KMT2C: variants seen among roughly 807,000 people sequenced by gnomAD.
The protein encoded by KMT2C is lysine methyltransferase 2C, also known as histone-lysine N-methyltransferase 2C.
A neutral mutation model predicts 507.9 loss-of-function variants in KMT2C; 88 were observed. The ratio of observed to expected loss-of-function variants is 0.17; its 90% confidence interval spans 0.15 to 0.21. The LOEUF (loss-of-function observed/expected upper bound fraction) is 0.21, where lower values mean the gene tolerates loss of function less well. Ranked by LOEUF, KMT2C falls within the 10% of genes least tolerant of loss-of-function variation. KMT2C has a pLI of 1.00. For missense variants in KMT2C, 4,954 were observed against 5,957.8 expected (o/e 0.83, Z 5.55); for synonymous variants, 2,049 against 2,080.8 (o/e 0.98, Z 0.42).
intron 1 of KMT2C, among the ~76,000 whole-genome samples, chr7:152,387,745 A>G (rs2097444944): frequency 2.0e-5 from 3 of 152,246 alleles, no homozygotes; most frequent in Admixed American, 1.3e-4. Context: ...TGCTGGGATT[A>G]CAGGCGTGAG....
chr7:152,288,184 G>T (rs1301848002), intron 6 of KMT2C, among the ~76,000 whole-genome samples: 1 of 150,074 alleles, frequency 6.7e-6, no homozygotes, highest in Non-Finnish European at 1.5e-5. Context: ...ACAACAAAAT[G>T]GGAGAGATTA....
intron 35 of KMT2C, 44 bp downstream of exon 35, chr7:152,182,930 C>T: frequency 6.8e-7 from 1 of 1,461,014 alleles, no homozygotes. Context: ...CTTCTCAAAA[C>T]AAAAATGCAA....
chr7:152,214,293 T>C (rs957616639), intron 23 of KMT2C, among the ~76,000 whole-genome samples: 1 of 152,120 alleles, frequency 6.6e-6, no homozygotes, highest in Non-Finnish European at 1.5e-5. Context: ...TTACTCCCAA[T>C]AGCCAAGATA....
At chr7:152,247,500 T>C (rs2095490412) in intron 14 of KMT2C, among the ~76,000 whole-genome samples, 1 of 152,298 alleles carries the variant, frequency 6.6e-6, no homozygotes, top group South Asian at 2.1e-4. Flanking sequence ...GTTAAAAATA[T>C]ATACAATGAA....
At position 152,180,142 on chromosome 7, in the gene KMT2C, C is replaced by G. The variant is rs1352427116; in HGVS notation, c.7150-16G>C. ...ACTTCTGCCGCTAAATGGGAAGAAA[C>G]AAAAATCACTGGGATTTGTGGTAAT... On this transcript the variant is annotated splice_polypyrimidine_tract_variant and intron_variant, in intron 36 of 58. Transcript: ENST00000262189. 1.2e-6 allele frequency: 2 copies of G among 1,611,408 alleles called. No individual in the cohort carries two copies. Among genetic ancestry groups the G allele is most frequent in the East Asian group, 4.5e-5 (2 of 44,864 alleles).
chr7:152,136,642 C>T lies in KMT2C; in HGVS notation c.*190G>A, dbSNP rs2089901074. 1 of 583,878 alleles carries T rather than the reference C, an allele frequency of 1.7e-6. No homozygotes were observed. The highest frequency in any genetic ancestry group is 2.1e-5 in the South Asian group (1 of 47,722). The allele number at this position is 583,878 out of a possible 1,614,324, so 36.2% of individuals were successfully genotyped here. A position where few individuals can be genotyped will look rare whatever the true frequency, so the allele number is the denominator to read the frequency against. The stretch of plus-strand genomic sequence containing the variant: ...TTTAACCTCGGCCACTTCAGGAACG[C>T]TGCTTCTGTCAGCTTCCTCCTGGCG... On this transcript the variant is annotated 3_prime_UTR_variant, in exon 59 of 59. Coordinates refer to ENST00000262189, the MANE Select transcript of KMT2C (RefSeq NM_170606.3).
chr7:152,140,686 C>T (rs993173327), intron 55 of KMT2C, among the ~76,000 whole-genome samples: 3 of 152,192 alleles, frequency 2.0e-5, no homozygotes, highest in Non-Finnish European at 4.4e-5. Context: ...CAGAAATCAA[C>T]TGCATTCTAG....
intron 23 of KMT2C, among the ~76,000 whole-genome samples, chr7:152,216,833 G>A (rs939889910): frequency 6.6e-6 from 1 of 152,068 alleles, no homozygotes; most frequent in African/African-American, 2.4e-5. Context: ...AGTTCTGTTG[G>A]ACACAAGACA....
intron 9 of KMT2C, among the ~76,000 whole-genome samples, chr7:152,260,587 G>A (rs2095752649): frequency 6.6e-6 from 1 of 152,044 alleles, no homozygotes; most frequent in African/African-American, 2.4e-5. Flanking sequence ...TTAAAGTTAA[G>A]ATTTTTCTTG....
At chr7:152,209,592 T>TGTGGCATG (rs1364805605) in intron 23 of KMT2C, among the ~76,000 whole-genome samples, 1 of 151,298 alleles carries the variant, frequency 6.6e-6, no homozygotes, top group Non-Finnish European at 1.5e-5. Context: ...AAAATCAAGC[T>TGTGGCATG]GTGGCATGGT....
chr7:152,387,426 G>GC (rs2097439407), intron 1 of KMT2C, among the ~76,000 whole-genome samples: 5 of 126,806 alleles, frequency 3.9e-5, no homozygotes, highest in Non-Finnish European at 7.7e-5. Context: ...ATACTAGTAT[G>GC]CCAAAAAAAA....
chr7:152,276,570 T>C (rs1709532292), intron 6 of KMT2C, among the ~76,000 whole-genome samples: 1 of 152,030 alleles, frequency 6.6e-6, no homozygotes, highest in Admixed American at 6.5e-5. Flanking sequence ...CTGGGCAACA[T>C]GGTGAAACTC....
At chr7:152,270,446 T>C (rs1045627680) in intron 7 of KMT2C, among the ~76,000 whole-genome samples, 3 of 152,230 alleles carry the variant, frequency 2.0e-5, no homozygotes, top group African/African-American at 7.2e-5. Context: ...AGACTTCTCA[T>C]TGCAGACCGA....
intron 6 of KMT2C, among the ~76,000 whole-genome samples, chr7:152,277,212 G>T (rs1022832482): frequency 9.2e-5 from 14 of 152,018 alleles, no homozygotes; most frequent in Non-Finnish European, 1.5e-4. Context: ...TAATAAATAA[G>T]TATTATAAGG....
In KMT2C at chr7:152,149,097, A is replaced by G; in HGVS notation, c.12830T>C (p.Phe4277Ser). The change falls in exon 52 of 59, where the codon TTT (phenylalanine) becomes TCT (serine). Residue 4277 changes from phenylalanine to serine, a missense_variant. By Grantham distance (155) the Phe-to-Ser change is radical. Around this residue, in one of 29 missense-constraint regions of KMT2C, gnomAD observed 417 missense variants for 461.1 expected, o/e 0.90. Transcript: ENST00000262189. ...GGAGATGTTGTTGCTGTACTGATGA[A>G]ATGCTTTGGAAGGCGTTTCTCTCAT... ...SPMRETPSKA[F>S]HQYSNNISTL... is the part of the protein sequence containing the mutation. The G allele has an allele frequency of 6.7e-7, 1 of 1,499,326 alleles. No homozygotes were observed. The allele number at this position is 1,499,326 out of a possible 1,614,324, so 92.9% of individuals were successfully genotyped here. A position where few individuals can be genotyped will look rare whatever the true frequency, so the allele number is the denominator to read the frequency against.
chr7:152,183,536 T>C (rs914099155), intron 34 of KMT2C, among the ~76,000 whole-genome samples: 12 of 150,182 alleles, frequency 8.0e-5, no homozygotes, highest in Non-Finnish European at 1.3e-4. Flanking sequence ...CCAAGGCGGG[T>C]GGATCACCTG....
intron 37 of KMT2C, among the ~76,000 whole-genome samples, chr7:152,179,353 C>T (rs1230596662): frequency 6.6e-6 from 1 of 152,226 alleles, no homozygotes; most frequent in Non-Finnish European, 1.5e-5. Context: ...GGACAAGTCT[C>T]ATCACATCGT....
intron 42 of KMT2C, 98 bp from the exon 43 acceptor site, chr7:152,163,924 G>A (rs2092591112): frequency 8.7e-7 from 1 of 1,154,404 alleles, no homozygotes; most frequent in African/African-American, 1.5e-5. Flanking sequence ...ACAGAGGGCA[G>A]TTTGGCCCTG....
At chr7:152,278,544 T>A in intron 6 of KMT2C, among the ~76,000 whole-genome samples, 1 of 152,292 alleles carries the variant, frequency 6.6e-6, no homozygotes, top group African/African-American at 2.4e-5. Flanking sequence ...AACCTCTTTT[T>A]GTTATCAATT....
Sources: allele counts gnomAD v4.1 joint callset (sites outside exome capture counted in the v4.1 genomes callset), GRCh38; gene constraint gnomAD v4.1.1; regional missense constraint gnomAD v4.1.1; transcripts MANE v1.5; gene names NCBI Gene and HGNC (gene_info 2026-07-23, HGNC 2026-07-21).